SGSM3: variants seen among roughly 807,000 people sequenced by gnomAD.
SGSM3 encodes the protein RUN and SH3 containing 3.
SGSM3 carries 96 observed loss-of-function variants against 100.5 expected under a neutral mutation model. The observed-to-expected ratio is 0.96, with a 90% CI of 0.81 to 1.13. The LOEUF (loss-of-function observed/expected upper bound fraction) is 1.13, where lower values mean the gene tolerates loss of function less well. SGSM3 is among the 50% of genes most tolerant of loss of function. The probability of loss-of-function intolerance (pLI) is 0.00; values close to 1 mark genes in which losing one functional copy is unlikely to be tolerated. For missense variants in SGSM3, 1,001 were observed against 1,015.8 expected, an observed-to-expected ratio of 0.99 and a Z score of 0.20; for synonymous variants, 483 against 422.8, an observed-to-expected ratio of 1.14 and a Z score of -1.75.
chr22:40,371,369 C>G (rs2045434369), intron 1 of SGSM3, among the ~76,000 whole-genome samples: 1 of 152,214 alleles, frequency 6.6e-6, no homozygotes, highest in South Asian at 2.1e-4. Flanking sequence ...ATCTTCCAGT[C>G]TCACGCTGCA....
chr22:40,399,325 G>T (rs1465939056), intron 1 of SGSM3, among the ~76,000 whole-genome samples: 1 of 152,150 alleles, frequency 6.6e-6, no homozygotes, highest in Non-Finnish European at 1.5e-5. Flanking sequence ...GAGGATGAGC[G>T]CTGAGCCCAC....
chr22:40,404,331 T>C lies in SGSM3; in HGVS notation c.242T>C (p.Leu81Pro). The change falls in exon 5 of 22, where the codon CTG (leucine) becomes CCG (proline). Residue 81 changes from leucine to proline, a missense_variant. By Grantham distance (98) the Leu-to-Pro change is moderately conservative. Coordinates refer to ENST00000248929, the MANE Select transcript of SGSM3 (RefSeq NM_015705.6). ...APQRLRWQAHLEFTHNHDVGD... is the reference protein window; with the variant it reads ...APQRLRWQAHPEFTHNHDVGD... Reference sequence around the variant, plus strand: ...CAGAGGCTGCGGTGGCAGGCCCACCTGGAGTTCACCCATAACCACGATGTG... The same window carrying C: ...CAGAGGCTGCGGTGGCAGGCCCACCCGGAGTTCACCCATAACCACGATGTG... The C allele has an allele frequency of 6.3e-7, 1 of 1,591,824 alleles. No individual in the cohort carries two copies. The highest frequency in any genetic ancestry group is 8.6e-7 in the Non-Finnish European group (1 of 1,167,854).
rs1190999640 is a variant in SGSM3 at position 40,410,163 on chromosome 22, G to C, written c.*404G>C. ...CTGCAGAGCTGTATTCAGGTCCAAGGTTCTGCCCTTCCTTGAGTGGTCTAG... is the reference window on the plus strand; with the variant it reads ...CTGCAGAGCTGTATTCAGGTCCAAGCTTCTGCCCTTCCTTGAGTGGTCTAG... On this transcript the variant is annotated 3_prime_UTR_variant, in exon 22 of 22. Coordinates refer to ENST00000248929, the MANE Select transcript of SGSM3 (RefSeq NM_015705.6). 11 of 1,092,494 alleles carry C rather than the reference G, an allele frequency of 1.0e-5. No individual in the cohort carries two copies. The highest frequency in any genetic ancestry group is 1.1e-5 in the Non-Finnish European group (10 of 899,186). 67.7% of individuals were successfully genotyped at this position (1,092,494 alleles called of 1,614,324 possible). A position where few individuals can be genotyped will look rare whatever the true frequency, so the allele number is the denominator to read the frequency against.
At chr22:40,386,801 T>C (rs2048536827) in intron 1 of SGSM3, among the ~76,000 whole-genome samples, 1 of 151,878 alleles carries the variant, frequency 6.6e-6, no homozygotes, top group African/African-American at 2.4e-5. Flanking sequence ...TTTGTGTGAG[T>C]CCCTTTGCCC....
intron 4 of SGSM3, among the ~76,000 whole-genome samples, 179 bp downstream of exon 4, chr22:40,402,384 T>C (rs9611339): frequency 6.6e-6 from 1 of 152,180 alleles, no homozygotes; most frequent in African/African-American, 2.4e-5. Flanking sequence ...TCTGCTTTTT[T>C]TGAGATAAAT....
chr22:40,375,756 A>G (rs1052815373), intron 1 of SGSM3, among the ~76,000 whole-genome samples: 5 of 151,820 alleles, frequency 3.3e-5, no homozygotes, highest in Admixed American at 2.6e-4. Context: ...CTCTAAAGAC[A>G]TGAAACAGGC....
chr22:40,375,932 T>G (rs2046477264), intron 1 of SGSM3, among the ~76,000 whole-genome samples: 1 of 151,920 alleles, frequency 6.6e-6, no homozygotes, highest in East Asian at 1.9e-4. Flanking sequence ...TCCCACCTAC[T>G]CAGGATGCTG....
At chr22:40,373,429 T>G (rs577744742) in intron 1 of SGSM3, 1 of 152,344 alleles carries the variant, frequency 6.6e-6, no homozygotes, top group South Asian at 2.1e-4. Context: ...CCCTCAACTC[T>G]GTTGAAACTA....
chr22:40,386,990 T>C (rs1015054757), intron 1 of SGSM3, among the ~76,000 whole-genome samples: 7 of 152,186 alleles, frequency 4.6e-5, no homozygotes, highest in African/African-American at 1.4e-4. Flanking sequence ...CCACTAGATA[T>C]GTCATCCCAA....
intron 1 of SGSM3, among the ~76,000 whole-genome samples, chr22:40,384,731 A>G (rs966481748): frequency 3.3e-5 from 5 of 152,230 alleles, no homozygotes; most frequent in African/African-American, 1.2e-4. Context: ...CAGTAAGCTG[A>G]GATAGCGCCA....
chr22:40,371,500 A>G (rs997477420), intron 1 of SGSM3, among the ~76,000 whole-genome samples: 2 of 152,146 alleles, frequency 1.3e-5, no homozygotes, highest in African/African-American at 4.8e-5. Flanking sequence ...CTGATTCACA[A>G]AAACTCATTT....
intron 1 of SGSM3, among the ~76,000 whole-genome samples, chr22:40,384,436 G>A (rs1452932986): frequency 1.3e-5 from 2 of 152,036 alleles, no homozygotes; most frequent in Non-Finnish European, 2.9e-5. Context: ...GGATAACATA[G>A]GGAGACCCCC....
intron 19 of SGSM3, 43 bp from the exon 20 acceptor site, chr22:40,409,207 G>C: frequency 6.4e-7 from 1 of 1,567,508 alleles, no homozygotes; most frequent in Non-Finnish European, 8.6e-7. Context: ...AGCCAGAAGG[G>C]CCTGGAGCTG....
In SGSM3 at chr22:40,406,094, A is replaced by G; in HGVS notation, c.831A>G (p.Thr277=). 1 of 1,613,886 alleles carries G rather than the reference A, an allele frequency of 6.2e-7. No homozygotes were observed. Among genetic ancestry groups the G allele is most frequent in the East Asian group, 2.2e-5 (1 of 44,866 alleles). The change falls in exon 9 of 22, where the codon ACA becomes ACG. Residue 277 remains threonine, a synonymous_variant. Coordinates refer to ENST00000248929, the MANE Select transcript of SGSM3 (RefSeq NM_015705.6). ...QEHDIELSLI[T]LHWFLTAFAS... Reference sequence around the variant, plus strand: ...TGTTTACAGAGCTGTCCCTGATCACACTGCACTGGTTCCTCACGGCCTTCG... The same window carrying G: ...TGTTTACAGAGCTGTCCCTGATCACGCTGCACTGGTTCCTCACGGCCTTCG...
At chr22:40,378,465 A>T (rs1296873104) in intron 1 of SGSM3, among the ~76,000 whole-genome samples, 4 of 151,858 alleles carry the variant, frequency 2.6e-5, no homozygotes, top group Admixed American at 1.3e-4. Flanking sequence ...ACGGTGGCTG[A>T]TGCCTGTCAT....
intron 1 of SGSM3, among the ~76,000 whole-genome samples, chr22:40,374,274 G>C (rs1189860343): frequency 6.6e-6 from 1 of 152,140 alleles, no homozygotes; most frequent in African/African-American, 2.4e-5. Flanking sequence ...TTTATAGTTT[G>C]AGAGTTGGGG....
At chr22:40,377,993 C>A (rs1415122300) in intron 1 of SGSM3, among the ~76,000 whole-genome samples, 3 of 152,128 alleles carry the variant, frequency 2.0e-5, no homozygotes, top group Non-Finnish European at 4.4e-5. Flanking sequence ...ATATTACTAG[C>A]AAACAGATTT....
intron 1 of SGSM3, among the ~76,000 whole-genome samples, chr22:40,390,869 C>G (rs983381109): frequency 6.6e-6 from 1 of 152,130 alleles, no homozygotes; most frequent in African/African-American, 2.4e-5. Flanking sequence ...AGGAAAAGAG[C>G]GTGTTGTACA....
intron 1 of SGSM3, chr22:40,388,067 A>C (rs1269832372): frequency 6.6e-6 from 1 of 152,244 alleles, no homozygotes; most frequent in Non-Finnish European, 1.5e-5. Flanking sequence ...ATATTGACTC[A>C]GGGAAGGGTA....
Sources: allele counts gnomAD v4.1 joint callset (sites outside exome capture counted in the v4.1 genomes callset), GRCh38; gene constraint gnomAD v4.1.1; transcripts MANE v1.5; gene names NCBI Gene and HGNC (gene_info 2026-07-23, HGNC 2026-07-21).